The following MROH9 variants were observed in gnomAD, a reference collection of about 807,000 sequenced individuals.
MROH9 encodes the protein maestro heat like repeat family member 9, also known as maestro heat-like repeat-containing protein family member 9.
A neutral mutation model predicts 98.2 loss-of-function variants in MROH9; 92 were observed. That is an observed-to-expected ratio of 0.94 (90% confidence interval 0.79 to 1.11). The LOEUF is 1.11. Among genes scored for constraint, MROH9 ranks in the 50% most tolerant of loss-of-function variants. The pLI is 0.00. For missense variants in MROH9, 1,057 were observed against 1,014.8 expected (o/e 1.04, Z -0.57); for synonymous variants, 397 against 368.9 (o/e 1.08, Z -0.87).
At chr1:170,955,417 CTACTT>C (rs1649721945) in intron 3 of MROH9, among the ~76,000 whole-genome samples, 1 of 152,146 alleles carries the variant, frequency 6.6e-6, no homozygotes, top group African/African-American at 2.4e-5. Flanking sequence ...AGCAGCTGTA[CTACTT>C]TACATTTCCA....
intron 20 of MROH9, 77 bp from the exon 21 acceptor site, chr1:171,062,055 A>G (rs1007599822): frequency 5.5e-6 from 5 of 905,392 alleles, no homozygotes; most frequent in South Asian, 4.6e-5. Context: ...AAAAGCAAAG[A>G]AGGTAGCCAG....
intron 3 of MROH9, 107 bp from the exon 4 acceptor site, chr1:170,958,354 G>C: frequency 3.6e-6 from 2 of 555,266 alleles, no homozygotes; most frequent in Non-Finnish European, 6.3e-6. Context: ...GTCTGATTTG[G>C]TTCCTTTAGT....
intron 20 of MROH9, among the ~76,000 whole-genome samples, chr1:171,059,693 C>G (rs560777536): frequency 1.6e-4 from 25 of 152,162 alleles, no homozygotes; most frequent in South Asian, 6.2e-4. Flanking sequence ...GGAATACTAT[C>G]CAGCCATAAA....
intron 1 of MROH9, among the ~76,000 whole-genome samples, chr1:170,939,771 C>T (rs932530527): frequency 2.6e-5 from 4 of 152,136 alleles, no homozygotes; most frequent in East Asian, 1.9e-4. Context: ...CTTGGTGCCA[C>T]GTGGTCAAGC....
chr1:171,011,249 G>GA (rs1256518063), intron 15 of MROH9, among the ~76,000 whole-genome samples: 1 of 152,084 alleles, frequency 6.6e-6, no homozygotes, highest in Non-Finnish European at 1.5e-5. Flanking sequence ...ACTAAATCCA[G>GA]AAAAATCATC....
At position 170,995,403 on chromosome 1, in the gene MROH9, G is replaced by A. The variant is rs938422502; in HGVS notation, c.1209G>A (p.Leu403=). Residue 403 remains leucine, a synonymous_variant, in exon 13 of 22, where the codon CTG becomes CTA. Transcript: ENST00000367759. Reference sequence around the variant, plus strand: ...TTCCCTTATAGGCATGCCAGGCCCTGTGCACCTTTCTGCCTCTTGGTTCCT... The same window carrying A: ...TTCCCTTATAGGCATGCCAGGCCCTATGCACCTTTCTGCCTCTTGGTTCCT... The part of the protein sequence containing the change: ...NLMPLAACQA[L]CTFLPLGSYR... The A allele has an allele frequency of 3.7e-6, 6 of 1,613,204 alleles. No individual in the cohort carries two copies. Among genetic ancestry groups the A allele is most frequent in the Admixed American group, 3.3e-5 (2 of 59,940 alleles).
chr1:171,028,664 G>C (rs1022678207), intron 20 of MROH9, among the ~76,000 whole-genome samples: 1 of 152,224 alleles, frequency 6.6e-6, no homozygotes, highest in Non-Finnish European at 1.5e-5. Flanking sequence ...CATGAGGATG[G>C]AATGTCTTTC....
intron 6 of MROH9, among the ~76,000 whole-genome samples, chr1:170,962,428 A>T (rs1650050128): frequency 6.6e-6 from 1 of 152,084 alleles, no homozygotes; most frequent in South Asian, 2.1e-4. Flanking sequence ...CCTAACAACA[A>T]TTCAAAACCC....
intron 20 of MROH9, among the ~76,000 whole-genome samples, chr1:171,060,819 G>A (rs1334232390): frequency 1.3e-5 from 2 of 152,106 alleles, no homozygotes; most frequent in Non-Finnish European, 2.9e-5. Context: ...CTTAAGACAA[G>A]CAAACATTTC....
At chr1:171,040,546 AAAAC>A (rs762899496) in intron 20 of MROH9, among the ~76,000 whole-genome samples, 7 of 152,138 alleles carry the variant, frequency 4.6e-5, no homozygotes, top group Non-Finnish European at 7.4e-5. Flanking sequence ...ACACAACAGA[AAAAC>A]AAATTTTATT....
chr1:170,988,361 G>C (rs774419042), intron 10 of MROH9, among the ~76,000 whole-genome samples: 6 of 152,144 alleles, frequency 3.9e-5, no homozygotes, highest in Non-Finnish European at 7.4e-5. Context: ...CTGCAGATGG[G>C]AGCATTCTGT....
intron 20 of MROH9, among the ~76,000 whole-genome samples, chr1:171,033,704 G>A (rs1055900731): frequency 1.3e-5 from 2 of 152,088 alleles, no homozygotes; most frequent in East Asian, 3.9e-4. Flanking sequence ...GGGAGCCTCT[G>A]AACGCTGCTG....
chr1:170,991,134 A>G (rs1651339167), intron 11 of MROH9, among the ~76,000 whole-genome samples: 1 of 152,180 alleles, frequency 6.6e-6, no homozygotes, highest in Admixed American at 6.6e-5. Flanking sequence ...TACAAGCAAT[A>G]TGTGCTGAGG....
intron 7 of MROH9, 29 bp from the exon 8 acceptor site, chr1:170,971,719 A>G: frequency 6.2e-7 from 1 of 1,612,586 alleles, no homozygotes; most frequent in Non-Finnish European, 8.5e-7. Flanking sequence ...TGCATAGCAA[A>G]TGCATGTTCT....
At chr1:170,996,358 A>T in intron 13 of MROH9, 149 bp from the exon 14 acceptor site, 1 of 796,750 alleles carries the variant, frequency 1.3e-6, no homozygotes, top group Non-Finnish European at 2.0e-6. Flanking sequence ...AGGGAAGATG[A>T]AGGACATTTA....
chr1:171,047,866 A>G (rs754246167), intron 20 of MROH9, among the ~76,000 whole-genome samples: 1 of 152,160 alleles, frequency 6.6e-6, no homozygotes, highest in Non-Finnish European at 1.5e-5. Context: ...TCTACTTTGT[A>G]TCCCCAAGCC....
intron 3 of MROH9, among the ~76,000 whole-genome samples, chr1:170,956,979 A>G (rs1243109510): frequency 7.3e-6 from 1 of 137,182 alleles, no homozygotes; most frequent in Non-Finnish European, 1.6e-5. Context: ...AAAAAGTTTT[A>G]TTCAGGTCTT....
chr1:171,035,148 T>C (rs1275021777), intron 20 of MROH9, among the ~76,000 whole-genome samples: 1 of 151,886 alleles, frequency 6.6e-6, no homozygotes, highest in African/African-American at 2.4e-5. Context: ...ACAAAAAATT[T>C]AAAAATCAAG....
At chr1:171,039,351 C>G (rs1653221528) in intron 20 of MROH9, among the ~76,000 whole-genome samples, 1 of 152,256 alleles carries the variant, frequency 6.6e-6, no homozygotes, top group Admixed American at 6.5e-5. Context: ...ATTTATTTCT[C>G]TCTCATGCAA....
Sources: allele counts gnomAD v4.1 joint callset (sites outside exome capture counted in the v4.1 genomes callset), GRCh38; gene constraint gnomAD v4.1.1; transcripts MANE v1.5; gene names NCBI Gene and HGNC (gene_info 2026-07-23, HGNC 2026-07-21).